SEMA3D: variants seen among roughly 807,000 people sequenced by gnomAD.
SEMA3D encodes semaphorin 3D.
Under a neutral mutation model 100.1 loss-of-function variants are expected in SEMA3D, and 84 were observed. That is an observed-to-expected ratio of 0.84 (90% confidence interval 0.70 to 1.01). The LOEUF (loss-of-function observed/expected upper bound fraction) is 1.01, where lower values mean the gene tolerates loss of function less well. Ranked by LOEUF, SEMA3D falls within the 50% of genes least tolerant of loss-of-function variation. The pLI, the probability that SEMA3D is intolerant of heterozygous loss-of-function variation, is 0.00. For missense variants in SEMA3D, 875 were observed against 934.1 expected, an observed-to-expected ratio of 0.94 and a Z score of 0.82; for synonymous variants, 312 against 320.7, an observed-to-expected ratio of 0.97 and a Z score of 0.29.
chr7:85,201,622 G>T, the SEMA3D span, among the ~76,000 whole-genome samples: 104,430 of 152,076 alleles, frequency 0.69, 37,005 homozygotes, highest in East Asian at 0.92. Context: ...TTGTTCTTTG[G>T]GAGTTTTTAG....
At chr7:85,067,561 G>A (rs1194149021) in intron 7 of SEMA3D, among the ~76,000 whole-genome samples, 1 of 152,120 alleles carries the variant, frequency 6.6e-6, no homozygotes, top group Non-Finnish European at 1.5e-5. Context: ...AAGACAAAAG[G>A]AGTCCTTATA....
At chr7:85,200,891 G>T in the SEMA3D span, among the ~76,000 whole-genome samples, 1 of 152,184 alleles carries the variant, frequency 6.6e-6, no homozygotes, top group Non-Finnish European at 1.5e-5. Flanking sequence ...GCTGAAAGGG[G>T]CCACAGTAGA....
intron 1 of SEMA3D, among the ~76,000 whole-genome samples, chr7:85,171,876 T>C (rs1185860164): frequency 6.6e-6 from 1 of 151,850 alleles, no homozygotes; most frequent in East Asian, 1.9e-4. Flanking sequence ...ATTGTTTCCT[T>C]CTCTTGATTT....
chr7:85,175,719 A>G (rs1051417951), intron 1 of SEMA3D, among the ~76,000 whole-genome samples: 1 of 152,128 alleles, frequency 6.6e-6, no homozygotes, highest in African/African-American at 2.4e-5. Context: ...GTCATTTTTC[A>G]GACAGAATAA....
At chr7:85,244,008 C>T in the SEMA3D span, among the ~76,000 whole-genome samples, 1 of 152,106 alleles carries the variant, frequency 6.6e-6, no homozygotes. Flanking sequence ...CTGATATACT[C>T]AATGTATGTT....
chr7:85,070,772 CA>C (rs1791748331), intron 6 of SEMA3D, among the ~76,000 whole-genome samples: 2 of 149,142 alleles, frequency 1.3e-5, no homozygotes, highest in South Asian at 4.2e-4. Context: ...TCCCTTTCAG[CA>C]CTTGTGACTT....
chr7:85,184,509 G>A (rs1355729082), intron 1 of SEMA3D, among the ~76,000 whole-genome samples: 1 of 147,910 alleles, frequency 6.8e-6, no homozygotes, highest in Admixed American at 6.7e-5. Flanking sequence ...TTTCTTTTCT[G>A]TTCAAAAAGA....
intron 9 of SEMA3D, among the ~76,000 whole-genome samples, chr7:85,054,970 A>AT (rs1791266913): frequency 6.6e-6 from 1 of 152,140 alleles, no homozygotes; most frequent in Non-Finnish European, 1.5e-5. Context: ...GAAGCCTCTC[A>AT]TAGAGTATCT....
chr7:85,115,439 T>G (rs999766387), intron 3 of SEMA3D, among the ~76,000 whole-genome samples: 1 of 152,216 alleles, frequency 6.6e-6, no homozygotes, highest in African/African-American at 2.4e-5. Context: ...TTATTAAAAT[T>G]TATTTGCAAG....
the SEMA3D span, among the ~76,000 whole-genome samples, chr7:85,213,934 T>G: frequency 6.6e-6 from 1 of 152,184 alleles, no homozygotes; most frequent in Non-Finnish European, 1.5e-5. Context: ...AAAAAGTACA[T>G]AAATTATTAA....
intron 3 of SEMA3D, among the ~76,000 whole-genome samples, chr7:85,116,867 G>A (rs891709417): frequency 6.6e-6 from 1 of 152,072 alleles, no homozygotes; most frequent in Non-Finnish European, 1.5e-5. Flanking sequence ...TTTCCACACT[G>A]ATTTGCATAG....
intron 4 of SEMA3D, among the ~76,000 whole-genome samples, chr7:85,090,132 T>C (rs1287431527): frequency 6.6e-6 from 1 of 152,190 alleles, no homozygotes; most frequent in South Asian, 2.1e-4. Flanking sequence ...TCAAGGAACA[T>C]TGCTTTTTCT....
chr7:85,244,637 T>C, the SEMA3D span, among the ~76,000 whole-genome samples: 6 of 151,588 alleles, frequency 4.0e-5, no homozygotes, highest in African/African-American at 1.5e-4. Context: ...GTTAGAGGGG[T>C]AATATTTTTA....
At chr7:85,245,374 G>A in the SEMA3D span, among the ~76,000 whole-genome samples, 1 of 152,230 alleles carries the variant, frequency 6.6e-6, no homozygotes, top group South Asian at 2.1e-4. Flanking sequence ...ATAAAGACTG[G>A]TGGAAATTTA....
At chr7:85,215,241 C>A in the SEMA3D span, among the ~76,000 whole-genome samples, 1 of 151,536 alleles carries the variant, frequency 6.6e-6, no homozygotes, top group Non-Finnish European at 1.5e-5. Context: ...GTTGTCTGTG[C>A]AAATCACAGG....
In SEMA3D at chr7:84,999,472, G is replaced by A; in HGVS notation, c.2302C>T (p.Leu768=). The change falls in exon 19 of 19, where the codon CTG becomes TTG. Residue 768 remains leucine (L), a synonymous_variant. Coordinates refer to ENST00000284136, the MANE Select transcript of SEMA3D (RefSeq NM_001384900.1). ...KKRNRRHHRD[L]DELPRAVAT Reference sequence around the variant, plus strand: ...GCTACAGCTCTAGGGAGCTCATCCAGGTCTCTGTGATGTCTTCGATTTCGT... The same window carrying A: ...GCTACAGCTCTAGGGAGCTCATCCAAGTCTCTGTGATGTCTTCGATTTCGT... The A allele has an allele frequency of 6.2e-7, 1 of 1,614,016 alleles. No individual in the cohort carries two copies. The highest frequency in any genetic ancestry group is 8.5e-7 in the Non-Finnish European group (1 of 1,179,950).
At chr7:85,124,477 T>C (rs1234564895) in intron 2 of SEMA3D, among the ~76,000 whole-genome samples, 1 of 151,838 alleles carries the variant, frequency 6.6e-6, no homozygotes. Flanking sequence ...GGTGAGGAAA[T>C]GAATAAGATT....
intron 8 of SEMA3D, among the ~76,000 whole-genome samples, chr7:85,061,842 TATCTGA>T (rs1191661669): frequency 6.6e-6 from 1 of 152,166 alleles, no homozygotes; most frequent in African/African-American, 2.4e-5. Flanking sequence ...CCTCAGCAAA[TATCTGA>T]ATGGCTGCTT....
At position 85,162,081 on chromosome 7, in the gene SEMA3D, G is replaced by GT. The variant is rs869147578; in HGVS notation, c.-172-8343dup. On this transcript the variant is annotated intron_variant, in intron 1 of 18. Transcript: ENST00000284136. Reference sequence around the variant, plus strand: ...TAGCTGTTCCCAATTTGTAAAACGTGTTTTTTTTTTTAATCTCATCTTAAT... The same window carrying GT: ...TAGCTGTTCCCAATTTGTAAAACGTGTTTTTTTTTTTTAATCTCATCTTAAT... 2.4e-3 allele frequency among the ~76,000 whole-genome samples: 360 copies of GT among 147,608 alleles called. 3 individuals carry two copies. Among genetic ancestry groups the GT allele is most frequent in the African/African-American group, 7.9e-3 (319 of 40,570 alleles).
Sources: allele counts gnomAD v4.1 joint callset (sites outside exome capture counted in the v4.1 genomes callset), GRCh38; gene constraint gnomAD v4.1.1; transcripts MANE v1.5; gene names NCBI Gene and HGNC (gene_info 2026-07-23, HGNC 2026-07-21).